The following SNAP29 variants were observed in gnomAD, a reference collection of about 807,000 sequenced individuals.
SNAP29 encodes the protein synaptosomal-associated protein 29.
A neutral mutation model predicts 27.9 loss-of-function variants in SNAP29; 13 were observed. The ratio of observed to expected loss-of-function variants is 0.47; its 90% CI spans 0.30 to 0.74. SNAP29 has a LOEUF of 0.74. SNAP29 is among the 30% of genes least tolerant of loss of function. The pLI is 0.06. For synonymous variants in SNAP29, 119 were observed against 127.1 expected (o/e 0.94, Z 0.43); for missense variants, 368 against 336.5 (o/e 1.09, Z -0.73).
At chr22:20,879,046 G>A (rs923240505) in intron 2 of SNAP29, among the ~76,000 whole-genome samples, 6 of 152,206 alleles carry the variant, frequency 3.9e-5, no homozygotes, top group Non-Finnish European at 2.9e-5. Context: ...AGTGGCTCAC[G>A]CCTGTAATCC....
At chr22:20,866,361 C>T (rs1928459662) in intron 1 of SNAP29, among the ~76,000 whole-genome samples, 1 of 152,238 alleles carries the variant, frequency 6.6e-6, no homozygotes, top group African/African-American at 2.4e-5. Flanking sequence ...CCTGTGCACA[C>T]TCCCTTGGGA....
Position 20,890,061 on chromosome 22 carries a change from C to T in SNAP29, c.*2225C>T, listed in dbSNP as rs1188977200. On this transcript the variant is annotated 3_prime_UTR_variant, in exon 5 of 5. Transcript: ENST00000215730. ...CGTTTTGTCCTGTTCTTGTTCAGAC[C>T]CTCTCGTTCTACGTCCTGTGCTGAG... 1 of 391,054 alleles carries T rather than the reference C, an allele frequency of 2.6e-6. No individual in the cohort carries two copies. The highest frequency in any genetic ancestry group is 3.6e-5 in the East Asian group (1 of 27,682). 24.2% of individuals were successfully genotyped at this position (391,054 alleles called of 1,614,324 possible).
At chr22:20,873,392 G>GT (rs1426725099) in intron 2 of SNAP29, among the ~76,000 whole-genome samples, 2 of 152,150 alleles carry the variant, frequency 1.3e-5, no homozygotes, top group Non-Finnish European at 2.9e-5. Context: ...CTGTGAACCT[G>GT]TGTACACTAG....
At chr22:20,866,938 C>T (rs1928473778) in intron 1 of SNAP29, among the ~76,000 whole-genome samples, 1 of 152,128 alleles carries the variant, frequency 6.6e-6, no homozygotes. Flanking sequence ...TGCACGCGTG[C>T]AGTAGCTTTA....
intron 4 of SNAP29, among the ~76,000 whole-genome samples, chr22:20,885,026 C>T (rs1166267461): frequency 5.9e-5 from 9 of 152,274 alleles, no homozygotes; most frequent in South Asian, 4.1e-4. Flanking sequence ...CCGCCTGTCT[C>T]GGCCTCCCAA....
In SNAP29 at chr22:20,889,613, A is replaced by G. The variant is rs965478291; in HGVS notation, c.*1777A>G. 1 of 152,248 alleles carries G rather than the reference A, an allele frequency of 6.6e-6. No individual in the cohort carries two copies. Among genetic ancestry groups the G allele is most frequent in the Non-Finnish European group, 1.5e-5 (1 of 68,046 alleles). 9.4% of individuals were successfully genotyped at this position (152,248 alleles called of 1,614,324 possible). A position where few individuals can be genotyped will look rare whatever the true frequency, so the allele number is the denominator to read the frequency against. ...GAGGCTTTCAGCAAAAAGGCTGCTT[A>G]AAAGCATGAACCCGGGATGCAGAGC... On this transcript the variant is annotated 3_prime_UTR_variant, in exon 5 of 5. Transcript: ENST00000215730.
At chr22:20,882,060 A>C (rs1403987740) in intron 3 of SNAP29, among the ~76,000 whole-genome samples, 4 of 151,958 alleles carry the variant, frequency 2.6e-5, no homozygotes, top group Non-Finnish European at 5.9e-5. Context: ...AGATAGAGAA[A>C]GGGGCCCACC....
chr22:20,886,634 C>T (rs1035437573), intron 4 of SNAP29, among the ~76,000 whole-genome samples: 2 of 142,396 alleles, frequency 1.4e-5, no homozygotes, highest in African/African-American at 5.3e-5. Context: ...TTTTTTGAGA[C>T]GGAGTCTTGC....
intron 1 of SNAP29, among the ~76,000 whole-genome samples, chr22:20,862,603 A>G (rs970624451): frequency 1.3e-5 from 2 of 152,198 alleles, no homozygotes; most frequent in Admixed American, 6.5e-5. Flanking sequence ...TTGTGATGAC[A>G]TGCCCCGTGC....
intron 1 of SNAP29, 39 bp downstream of exon 1, chr22:20,859,386 C>G (rs778045681): frequency 1.5e-6 from 2 of 1,370,164 alleles, no homozygotes; most frequent in East Asian, 2.3e-5. Context: ...TCGCCGGTCT[C>G]TGTGCTGTCA....
chr22:20,888,017 G>A lies in SNAP29; in HGVS notation c.*181G>A. 3.1e-6 allele frequency: 2 copies of A among 647,822 alleles called. No individual in the cohort carries two copies. The highest frequency in any genetic ancestry group is 2.8e-5 in the East Asian group (1 of 35,246). 40.1% of individuals were successfully genotyped at this position (647,822 alleles called of 1,614,324 possible). On this transcript the variant is annotated 3_prime_UTR_variant, in exon 5 of 5. Coordinates refer to ENST00000215730, the MANE Select transcript of SNAP29 (RefSeq NM_004782.4). ...GAAGTGTTTGTCCCACATTTTCCTA[G>A]GGTTAACACCTCACCAAGTTCTTCC...
intron 2 of SNAP29, among the ~76,000 whole-genome samples, chr22:20,877,998 G>A (rs754047688): frequency 1.3e-5 from 2 of 152,158 alleles, no homozygotes; most frequent in African/African-American, 2.4e-5. Context: ...GTGAAATCCT[G>A]GAGTGTTAAA....
At chr22:20,859,384 C>A in intron 1 of SNAP29, 37 bp downstream of exon 1, 1 of 1,382,680 alleles carries the variant, frequency 7.2e-7, no homozygotes, top group Non-Finnish European at 1.0e-6. Flanking sequence ...ACTCGCCGGT[C>A]TCTGTGCTGT....
At chr22:20,872,397 G>A (rs1928614697) in intron 2 of SNAP29, among the ~76,000 whole-genome samples, 1 of 128,948 alleles carries the variant, frequency 7.8e-6, no homozygotes, top group Non-Finnish European at 1.6e-5. Context: ...CCCACACCAT[G>A]CCTGGCTAAT....
In SNAP29 at chr22:20,888,184, T is replaced by A. The variant is rs1319115366; in HGVS notation, c.*348T>A. 2.9e-6 allele frequency: 1 copy of A among 350,342 alleles called. No individual in the cohort carries two copies. 21.7% of individuals were successfully genotyped at this position (350,342 alleles called of 1,614,324 possible). A position where few individuals can be genotyped will look rare whatever the true frequency, so the allele number is the denominator to read the frequency against. ...TGGAAAGATGGGAACAGAATTTCAG[T>A]CTTGCAGCCATGAGCCTCTATTTCT... On this transcript the variant is annotated 3_prime_UTR_variant, in exon 5 of 5. Coordinates refer to ENST00000215730, the MANE Select transcript of SNAP29 (RefSeq NM_004782.4).
chr22:20,866,109 C>G (rs1928453491), intron 1 of SNAP29, among the ~76,000 whole-genome samples: 1 of 152,268 alleles, frequency 6.6e-6, no homozygotes, highest in Non-Finnish European at 1.5e-5. Context: ...CCACACCTCT[C>G]TTTGGAATGT....
Position 20,888,631 on chromosome 22 carries a change from C to G in SNAP29, c.*795C>G, listed in dbSNP as rs1008686087. On this transcript the variant is annotated 3_prime_UTR_variant, in exon 5 of 5. Coordinates refer to ENST00000215730, the MANE Select transcript of SNAP29 (RefSeq NM_004782.4). Reference sequence around the variant, plus strand: ...ATTTGCAACAGGTCTTCCACTGGCTCGAGGCTGCGAGGCTGACCGACAGGG... The same window carrying G: ...ATTTGCAACAGGTCTTCCACTGGCTGGAGGCTGCGAGGCTGACCGACAGGG... 1.3e-5 allele frequency: 2 copies of G among 152,760 alleles called. No individual in the cohort carries two copies. 9.5% of individuals were successfully genotyped at this position (152,760 alleles called of 1,614,324 possible).
chr22:20,887,317 T>C (rs564424691), intron 4 of SNAP29, among the ~76,000 whole-genome samples: 59 of 152,216 alleles, frequency 3.9e-4, no homozygotes, highest in African/African-American at 1.1e-3. Flanking sequence ...CTTAGTGTTT[T>C]ATATTTAATC....
intron 2 of SNAP29, among the ~76,000 whole-genome samples, chr22:20,873,794 C>A (rs971869813): frequency 2.0e-5 from 3 of 149,636 alleles, no homozygotes; most frequent in Non-Finnish European, 4.4e-5. Flanking sequence ...ATGGTGAAAC[C>A]CAGTGTCTCC....
Sources: gnomAD v4.1 joint callset for allele counts (sites outside exome capture counted in the v4.1 genomes callset) on GRCh38, gnomAD v4.1.1 for gene constraint, MANE v1.5 for transcripts, NCBI Gene and HGNC (gene_info 2026-07-23, HGNC 2026-07-21) for gene names.